The following NELL1 variants were observed in gnomAD, a reference collection of about 807,000 sequenced individuals.
NELL1 encodes neural EGFL like 1, also known as protein kinase C-binding protein NELL1.
NELL1 carries 76 observed loss-of-function variants against 107.4 expected under a neutral mutation model. The observed-to-expected ratio is 0.71, with a 90% confidence interval of 0.59 to 0.86. The LOEUF is 0.86. Ranked by LOEUF, NELL1 falls within the 40% of genes least tolerant of loss-of-function variation. The probability of loss-of-function intolerance (pLI) is 0.00; values close to 1 mark genes in which losing one functional copy is unlikely to be tolerated. For synonymous variants in NELL1, 353 were observed against 341.2 expected, an observed-to-expected ratio of 1.03 and a Z score of -0.38; for missense variants, 1,024 against 1,005.5, an observed-to-expected ratio of 1.02 and a Z score of -0.25.
chr11:21,115,751 G>A (rs1345901797), intron 13 of NELL1, among the ~76,000 whole-genome samples: 2 of 151,904 alleles, frequency 1.3e-5, no homozygotes, highest in Non-Finnish European at 2.9e-5. Flanking sequence ...GGGGACCACA[G>A]AGGTAACCAT....
chr11:21,356,596 A>G (rs1224065235), intron 14 of NELL1, among the ~76,000 whole-genome samples: 1 of 152,208 alleles, frequency 6.6e-6, no homozygotes, highest in East Asian at 1.9e-4. Context: ...AACAGGATCT[A>G]TATTACTAGA....
chr11:20,910,492 A>C (rs927433473), intron 5 of NELL1, among the ~76,000 whole-genome samples: 2 of 152,174 alleles, frequency 1.3e-5, no homozygotes, highest in Admixed American at 6.5e-5. Context: ...CGCACTCACC[A>C]CAGTTTGAGA....
intron 14 of NELL1, among the ~76,000 whole-genome samples, chr11:21,245,563 A>G (rs1340988096): frequency 6.6e-6 from 1 of 152,154 alleles, no homozygotes; most frequent in African/African-American, 2.4e-5. Context: ...TGTGTCCAGA[A>G]TATCACTCTC....
intron 15 of NELL1, among the ~76,000 whole-genome samples, chr11:21,492,748 G>A (rs1854860565): frequency 8.7e-6 from 1 of 114,918 alleles, no homozygotes; most frequent in South Asian, 3.6e-4. Flanking sequence ...ACTGTTGTGG[G>A]GTGGGGGGAG....
chr11:20,948,862 G>A (rs1048370370), intron 11 of NELL1, among the ~76,000 whole-genome samples: 3 of 151,174 alleles, frequency 2.0e-5, no homozygotes, highest in Non-Finnish European at 4.4e-5. Flanking sequence ...CCCAGTAAGT[G>A]ATATCCTTTT....
At chr11:21,446,012 T>C (rs148434445) in intron 15 of NELL1, among the ~76,000 whole-genome samples, 41 of 152,204 alleles carry the variant, frequency 2.7e-4, no homozygotes, top group African/African-American at 9.6e-4. Context: ...TTTCTAGATC[T>C]TGTATACTTT....
chr11:20,845,802 G>T (rs893726745), intron 3 of NELL1, among the ~76,000 whole-genome samples: 2 of 152,062 alleles, frequency 1.3e-5, no homozygotes, highest in Non-Finnish European at 2.9e-5. Context: ...GGGGGGCCGT[G>T]GGGAGGGACA....
chr11:20,711,823 C>T (rs563637909), intron 2 of NELL1, among the ~76,000 whole-genome samples: 47 of 152,120 alleles, frequency 3.1e-4, no homozygotes, highest in Non-Finnish European at 5.6e-4. Context: ...TTCTTTACTT[C>T]ATCTTGACTT....
At chr11:21,451,189 AAAAAAAAAAAAAAGAAAAAAAAAAG>A (rs1275574576) in intron 15 of NELL1, among the ~76,000 whole-genome samples, 26 of 146,172 alleles carry the variant, frequency 1.8e-4, no homozygotes. Flanking sequence ...TCCGTCTAAA[AAAAAAAAAAAAAAGAAAAAAAAAAG>A]AAAAAAGAAA....
chr11:20,770,394 A>T (rs1856616742), intron 2 of NELL1, among the ~76,000 whole-genome samples: 1 of 152,234 alleles, frequency 6.6e-6, no homozygotes, highest in South Asian at 2.1e-4. Flanking sequence ...CCACATCCAT[A>T]GCCCCTTTTC....
chr11:20,675,099 C>T (rs773905809), intron 1 of NELL1, among the ~76,000 whole-genome samples: 2 of 152,032 alleles, frequency 1.3e-5, no homozygotes, highest in Non-Finnish European at 2.9e-5. Context: ...GTGGACCAGC[C>T]GGGACATGTT....
intron 16 of NELL1, among the ~76,000 whole-genome samples, chr11:21,537,266 C>T (rs1856162414): frequency 6.6e-6 from 1 of 152,060 alleles, no homozygotes. Context: ...TAATGCCTTC[C>T]CAATGAGTGT....
intron 15 of NELL1, among the ~76,000 whole-genome samples, chr11:21,399,310 G>A (rs112851590): frequency 0.016 from 2,379 of 151,694 alleles, 65 homozygotes; most frequent in African/African-American, 0.053. Context: ...AAGTTGTGTC[G>A]GTGGTTGACA....
rs1854812371 is a variant in NELL1 at position 20,702,250 on chromosome 11, T to A, written c.184+24190T>A. On this transcript the variant is annotated intron_variant, in intron 2 of 19. Coordinates refer to ENST00000357134, the MANE Select transcript of NELL1 (RefSeq NM_006157.5). ...ATCCCTTGTAAATTGGATTCCTAGG[T>A]ATTTTATTCTCTTTGAAGCAATTAT... Among the ~76,000 whole-genome samples, 3 of 152,192 alleles carry A rather than the reference T, an allele frequency of 2.0e-5. No homozygotes were observed. In the South Asian group the frequency reaches 6.2e-4, roughly 31 times the overall value.
chr11:21,321,014 G>C (rs4357686), intron 14 of NELL1, among the ~76,000 whole-genome samples: 1 of 152,162 alleles, frequency 6.6e-6, no homozygotes, highest in African/African-American at 2.4e-5. Context: ...ATACATTCTA[G>C]AAATTTAGTA....
intron 14 of NELL1, among the ~76,000 whole-genome samples, chr11:21,308,696 T>G (rs1356488946): frequency 2.0e-5 from 3 of 152,066 alleles, no homozygotes; most frequent in African/African-American, 7.2e-5. Context: ...TATCAATTCT[T>G]CAACTTTACT....
intron 4 of NELL1, among the ~76,000 whole-genome samples, chr11:20,863,480 G>A (rs1303931408): frequency 7.1e-6 from 1 of 140,784 alleles, no homozygotes; most frequent in Non-Finnish European, 1.6e-5. Context: ...GGGCGGCCGG[G>A]CAGAGACGCT....
Position 21,519,080 on chromosome 11 carries a change from C to T in NELL1, c.1646-15294C>T, listed in dbSNP as rs548810672. Among the ~76,000 whole-genome samples, 10 of 152,236 alleles carry T rather than the reference C, an allele frequency of 6.6e-5. No individual in the cohort carries two copies. In the East Asian group the frequency reaches 9.7e-4, roughly 15 times the overall value. ...CTAAAGAAGGCTGTATCTCTCTAGT[C>T]CTCACGTTCTCCAGCCAGCTGACTA... On this transcript the variant is annotated intron_variant, in intron 15 of 19. Transcript: ENST00000357134.
intron 16 of NELL1, among the ~76,000 whole-genome samples, chr11:21,546,947 A>G (rs1232713914): frequency 6.6e-6 from 1 of 151,974 alleles, no homozygotes; most frequent in African/African-American, 2.4e-5. Context: ...TGTTAAAGGA[A>G]CATTCATTGA....
Sources: allele counts gnomAD v4.1 joint callset (sites outside exome capture counted in the v4.1 genomes callset), GRCh38; gene constraint gnomAD v4.1.1; transcripts MANE v1.5; gene names NCBI Gene and HGNC (gene_info 2026-07-23, HGNC 2026-07-21).